The following FAM227B variants were observed in gnomAD, a reference collection of about 807,000 sequenced individuals.
FAM227B encodes the protein family with sequence similarity 227 member B.
A neutral mutation model predicts 73.8 loss-of-function variants in FAM227B; 88 were observed. The observed-to-expected ratio is 1.19, with a 90% CI of 1.00 to 1.42. FAM227B has a LOEUF of 1.42. FAM227B is among the 40% of genes most tolerant of loss of function. FAM227B has a pLI of 0.00. For missense variants in FAM227B, 632 were observed against 590.9 expected (o/e 1.07, Z -0.72); for synonymous variants, 210 against 190.5 (o/e 1.10, Z -0.84).
At chr15:49,353,008 G>A (rs139914477) in intron 13 of FAM227B, among the ~76,000 whole-genome samples, 18 of 152,204 alleles carry the variant, frequency 1.2e-4, no homozygotes, top group African/African-American at 4.3e-4. Flanking sequence ...CACAGACAAT[G>A]GCAAAAACAG....
rs150164188 is a variant in FAM227B, at chr15:49,385,798, G to C, written c.1013-14399C>G. Among the ~76,000 whole-genome samples, 858 of 151,870 alleles carry C rather than the reference G, an allele frequency of 5.6e-3. 7 individuals are homozygous for C. The highest frequency in any genetic ancestry group is 0.02 in the African/African-American group (818 of 41,466). On this transcript the variant is annotated intron_variant, in intron 11 of 15. Coordinates refer to ENST00000299338, the MANE Select transcript of FAM227B (RefSeq NM_152647.3). ...ATTCAAATAAACTCAAGGTAAAAGTGTGTAAAAAGGTATTCCATGCAAATG... is the reference window on the plus strand; with the variant it reads ...ATTCAAATAAACTCAAGGTAAAAGTCTGTAAAAAGGTATTCCATGCAAATG...
intron 13 of FAM227B, chr15:49,366,474 G>T: frequency 9.3e-7 from 1 of 1,075,682 alleles, no homozygotes; most frequent in Non-Finnish European, 1.5e-6. Flanking sequence ...TTGCATAGTG[G>T]TGCGGAAGTC....
At chr15:49,522,945 G>A (rs981361503) in intron 10 of FAM227B, among the ~76,000 whole-genome samples, 1 of 152,140 alleles carries the variant, frequency 6.6e-6, no homozygotes, top group Non-Finnish European at 1.5e-5. Context: ...ACACCTGGGA[G>A]ATTCTATACA....
chr15:49,484,145 C>T (rs1364501809), intron 11 of FAM227B, among the ~76,000 whole-genome samples: 1 of 151,978 alleles, frequency 6.6e-6, no homozygotes, highest in Non-Finnish European at 1.5e-5. Context: ...TGCAAATATA[C>T]TACATAAGTA....
At chr15:49,542,553 T>C (rs2071226230) in intron 9 of FAM227B, among the ~76,000 whole-genome samples, 1 of 151,352 alleles carries the variant, frequency 6.6e-6, no homozygotes, top group Non-Finnish European at 1.5e-5. Context: ...TGCATCCTCA[T>C]AGCTTAGCTC....
chr15:49,611,020 G>T (rs1275743801), intron 3 of FAM227B, among the ~76,000 whole-genome samples, 195 bp downstream of exon 3: 1 of 152,064 alleles, frequency 6.6e-6, no homozygotes, highest in African/African-American at 2.4e-5. Context: ...GTGAAAAAGA[G>T]AATAGAATGT....
chr15:49,397,132 G>C (rs184832965), intron 11 of FAM227B, among the ~76,000 whole-genome samples: 22 of 152,176 alleles, frequency 1.4e-4, no homozygotes, highest in African/African-American at 4.6e-4. Flanking sequence ...TTAGAATAAC[G>C]AATACAGAGA....
chr15:49,472,912 C>A, intron 11 of FAM227B, among the ~76,000 whole-genome samples: 1 of 86,358 alleles, frequency 1.2e-5, no homozygotes, highest in South Asian at 3.2e-4. Flanking sequence ...TTTTTGGGTA[C>A]CATACATTTT....
rs57123974 is a variant in FAM227B at position 49,525,665 on chromosome 15, AATATATATATATATATATAT to A, written c.874+15995_874+16014del. ...GAGACTCAAAGTTAAAGGGTGGAGAAATATATATATATATATATATATATATATATATATATATATATATA... is the reference window on the plus strand; with the variant it reads ...GAGACTCAAAGTTAAAGGGTGGAGAAATATATATATATATATATATATATA... On this transcript the variant is annotated intron_variant, in intron 10 of 15. Transcript: ENST00000299338. Among the ~76,000 whole-genome samples the A allele has an allele frequency of 6.3e-3, 516 of 81,464 alleles. 10 individuals are homozygous for A. Among genetic ancestry groups the A allele is most frequent in the South Asian group, 0.013 (30 of 2,266 alleles). The allele number at this position is 81,464 out of a possible 152,430, so 53.4% of individuals were successfully genotyped here.
intron 11 of FAM227B, among the ~76,000 whole-genome samples, chr15:49,455,293 TA>T (rs1024823598): frequency 2.6e-4 from 39 of 152,328 alleles, no homozygotes; most frequent in African/African-American, 8.9e-4. Context: ...ATAGCGCTTA[TA>T]TTTGTTATGA....
At chr15:49,619,646 T>C (rs1364422099) in intron 1 of FAM227B, among the ~76,000 whole-genome samples, 1 of 152,234 alleles carries the variant, frequency 6.6e-6, no homozygotes, top group Non-Finnish European at 1.5e-5. Context: ...AGTAATTTAT[T>C]ACATACGATA....
intron 11 of FAM227B, among the ~76,000 whole-genome samples, chr15:49,438,384 C>G (rs1436324358): frequency 6.6e-6 from 1 of 151,792 alleles, no homozygotes. Context: ...GAAATTAACT[C>G]GTGACAATGA....
At chr15:49,328,719 A>T (rs2037972174) in intron 15 of FAM227B, 44 bp from the exon 16 acceptor site, 1 of 1,541,546 alleles carries the variant, frequency 6.5e-7, no homozygotes, top group African/African-American at 1.4e-5. Flanking sequence ...ATCTTCTTGG[A>T]CATTGTATAA....
At chr15:49,383,004 A>G (rs886253323) in intron 11 of FAM227B, among the ~76,000 whole-genome samples, 1 of 152,126 alleles carries the variant, frequency 6.6e-6, no homozygotes, top group East Asian at 1.9e-4. Context: ...ATTTACTTCA[A>G]TCTCCTTGTC....
intron 9 of FAM227B, among the ~76,000 whole-genome samples, chr15:49,551,258 AG>A (rs1567558411): frequency 4.1e-5 from 3 of 73,622 alleles, no homozygotes; most frequent in African/African-American, 1.9e-4. Context: ...GCTCAGCATG[AG>A]GGAGAGGGAG....
chr15:49,479,779 A>AC (rs2055753185), intron 11 of FAM227B, among the ~76,000 whole-genome samples: 1 of 151,730 alleles, frequency 6.6e-6, no homozygotes, highest in Non-Finnish European at 1.5e-5. Flanking sequence ...ATGCCTGGCT[A>AC]ATTTTTGTAT....
intron 11 of FAM227B, among the ~76,000 whole-genome samples, chr15:49,490,125 T>A (rs1369943157): frequency 6.6e-6 from 1 of 151,534 alleles, no homozygotes; most frequent in Non-Finnish European, 1.5e-5. Flanking sequence ...TGCTTCTTCA[T>A]CTTTGTCCCT....
chr15:49,598,897 T>C (rs11632201), intron 3 of FAM227B, among the ~76,000 whole-genome samples: 66,190 of 151,872 alleles, frequency 0.44, 14,754 homozygotes, highest in East Asian at 0.54. Context: ...TAAGAGATAA[T>C]GGTCCACAGT....
chr15:49,547,328 C>A (rs2072071415), intron 9 of FAM227B, among the ~76,000 whole-genome samples: 1 of 150,348 alleles, frequency 6.7e-6, no homozygotes, highest in African/African-American at 2.5e-5. Flanking sequence ...CAAAAACATG[C>A]CAAATTGTAA....
Sources: allele counts gnomAD v4.1 joint callset (sites outside exome capture counted in the v4.1 genomes callset), GRCh38; gene constraint gnomAD v4.1.1; transcripts MANE v1.5; gene names NCBI Gene and HGNC (gene_info 2026-07-23, HGNC 2026-07-21).